VAPB: variants seen among roughly 807,000 people sequenced by gnomAD.
VAPB encodes the protein vesicle-associated membrane protein-associated protein B/C.
In VAPB, 7 loss-of-function variants were observed where a neutral mutation model predicts 25.6. The ratio of observed to expected loss-of-function variants is 0.27; its 90% CI spans 0.16 to 0.51. VAPB has a LOEUF of 0.51. Among genes scored for constraint, VAPB ranks in the 20% least tolerant of loss-of-function variants. The pLI, the probability that VAPB is intolerant of heterozygous loss-of-function variation, is 0.97. For synonymous variants in VAPB, 112 were observed against 109.2 expected (o/e 1.03, Z -0.16); for missense variants, 266 against 301.3 (o/e 0.88, Z 0.87).
intron 2 of VAPB, among the ~76,000 whole-genome samples, chr20:58,420,569 A>G (rs1166825801): frequency 6.6e-6 from 1 of 152,208 alleles, no homozygotes; most frequent in Non-Finnish European, 1.5e-5. Context: ...GTGTTAGAGG[A>G]TGACCCCACT....
At position 58,448,191 on chromosome 20, in the gene VAPB, AG is replaced by A. The variant is rs1989342496; in HGVS notation, c.*3957del. On this transcript the variant is annotated 3_prime_UTR_variant, in exon 6 of 6. Transcript: ENST00000475243. ...TTAGAAAGGCCCCTGCAAAGTATATAGATGGATGACTCTAGTTCATGACATA... is the reference window on the plus strand; with the variant it reads ...TTAGAAAGGCCCCTGCAAAGTATATAATGGATGACTCTAGTTCATGACATA... The A allele has an allele frequency of 2.2e-6, 1 of 453,950 alleles. No individual in the cohort carries two copies. The highest frequency in any genetic ancestry group is 6.9e-5 in the East Asian group (1 of 14,390). The allele number at this position is 453,950 out of a possible 1,614,324, so 28.1% of individuals were successfully genotyped here.
rs1350683023 is a variant in VAPB, at chr20:58,447,794, A to G, written c.*3559A>G. The G allele has an allele frequency of 4.4e-6, 2 of 453,956 alleles. No homozygotes were observed. Among genetic ancestry groups the G allele is most frequent in the South Asian group, 3.1e-5 (2 of 64,486 alleles). 28.1% of individuals were successfully genotyped at this position (453,956 alleles called of 1,614,324 possible). A position where few individuals can be genotyped will look rare whatever the true frequency, so the allele number is the denominator to read the frequency against. ...AACTCAGAATCCATGCCAAAATACA[A>G]TGTTATATGTCATTTTCAGCTCCTT... is the stretch of plus-strand genomic sequence containing the variant. On this transcript the variant is annotated 3_prime_UTR_variant, in exon 6 of 6. Transcript: ENST00000475243.
At chr20:58,433,728 A>G (rs1988978158) in intron 2 of VAPB, among the ~76,000 whole-genome samples, 1 of 152,248 alleles carries the variant, frequency 6.6e-6, no homozygotes, top group Non-Finnish European at 1.5e-5. Flanking sequence ...CCTAAGGGAC[A>G]GAGCCCAGTT....
At chr20:58,405,380 C>T (rs1456904851) in intron 1 of VAPB, among the ~76,000 whole-genome samples, 8 of 152,052 alleles carry the variant, frequency 5.3e-5, no homozygotes, top group African/African-American at 1.2e-4. Flanking sequence ...GGAGCCTTGC[C>T]GGTAGGCAGG....
In VAPB at chr20:58,449,042, G is replaced by A; in HGVS notation, c.*4807G>A. The A allele has an allele frequency of 2.2e-6, 1 of 454,146 alleles. No homozygotes were observed. Among genetic ancestry groups the A allele is most frequent in the Admixed American group, 2.3e-5 (1 of 42,576 alleles). The allele number at this position is 454,146 out of a possible 1,614,324, so 28.1% of individuals were successfully genotyped here. A position where few individuals can be genotyped will look rare whatever the true frequency, so the allele number is the denominator to read the frequency against. ...ATGTCTCAGGCCTTTCCCTGAATTA[G>A]CACTGCGGTTCTCCAGGATATCAGC... is the stretch of plus-strand genomic sequence containing the variant. On this transcript the variant is annotated 3_prime_UTR_variant, in exon 6 of 6. Coordinates refer to ENST00000475243, the MANE Select transcript of VAPB (RefSeq NM_004738.5).
chr20:58,423,134 A>C (rs889057174), intron 2 of VAPB, among the ~76,000 whole-genome samples: 5 of 152,116 alleles, frequency 3.3e-5, no homozygotes, highest in Non-Finnish European at 7.3e-5. Flanking sequence ...CAGGACAGCC[A>C]GGTGCAGTGG....
chr20:58,449,121 C>T lies in VAPB; in HGVS notation c.*4886C>T, dbSNP rs1989371242. On this transcript the variant is annotated 3_prime_UTR_variant, in exon 6 of 6. Coordinates refer to ENST00000475243, the MANE Select transcript of VAPB (RefSeq NM_004738.5). ...TAAGGAGCGTCAGCCGACAGGCAAG[C>T]TTGGGAGGCTGTGGGAATGGGTCTG... The T allele has an allele frequency of 2.2e-6, 1 of 453,998 alleles. No homozygotes were observed. The highest frequency in any genetic ancestry group is 2.0e-5 in the African/African-American group (1 of 50,010). The allele number at this position is 453,998 out of a possible 1,614,324, so 28.1% of individuals were successfully genotyped here. A position where few individuals can be genotyped will look rare whatever the true frequency, so the allele number is the denominator to read the frequency against.
chr20:58,406,613 G>C (rs1279792585), intron 1 of VAPB, among the ~76,000 whole-genome samples: 1 of 152,196 alleles, frequency 6.6e-6, no homozygotes, highest in Non-Finnish European at 1.5e-5. Flanking sequence ...TCTGTATCTG[G>C]TGTGAATTGG....
In VAPB at chr20:58,420,079, A is replaced by T. The variant is rs540531137; in HGVS notation, c.211+1716A>T. ...CTGCTCACTGCAACCTCCACCTCCC[A>T]GATTCAAGCAATTCTCTTGCCTCAG... is the stretch of plus-strand genomic sequence containing the variant. On this transcript the variant is annotated intron_variant, in intron 2 of 5. Coordinates refer to ENST00000475243, the MANE Select transcript of VAPB (RefSeq NM_004738.5). Among the ~76,000 whole-genome samples the T allele has an allele frequency of 2.6e-5, 4 of 152,096 alleles. No individual in the cohort carries two copies. The East Asian group carries it at 7.8e-4, about 29-fold the overall frequency.
chr20:58,440,621 G>T (rs904096329), intron 4 of VAPB: 3 of 330,680 alleles, frequency 9.1e-6, no homozygotes, highest in Non-Finnish European at 1.7e-5. Flanking sequence ...TTTTTCCGTG[G>T]CAGGAATTTG....
At chr20:58,406,861 T>G (rs1290931382) in intron 1 of VAPB, among the ~76,000 whole-genome samples, 1 of 152,220 alleles carries the variant, frequency 6.6e-6, no homozygotes, top group Admixed American at 6.5e-5. Context: ...GTTTTGTCAC[T>G]CTTCTATTTA....
At chr20:58,390,996 T>G (rs1031488649) in intron 1 of VAPB, among the ~76,000 whole-genome samples, 1 of 152,210 alleles carries the variant, frequency 6.6e-6, no homozygotes, top group African/African-American at 2.4e-5. Context: ...TACCGTGGAT[T>G]GTAATTCCAG....
intron 1 of VAPB, among the ~76,000 whole-genome samples, chr20:58,398,196 A>G (rs557615690): frequency 6.6e-6 from 1 of 152,244 alleles, no homozygotes; most frequent in Non-Finnish European, 1.5e-5. Flanking sequence ...AAAGTATTGA[A>G]TATCTCATGT....
intron 1 of VAPB, among the ~76,000 whole-genome samples, chr20:58,398,917 G>C (rs1156955553): frequency 6.6e-6 from 1 of 151,536 alleles, no homozygotes; most frequent in Non-Finnish European, 1.5e-5. Flanking sequence ...AAGTGGGAGT[G>C]TGCCCTTGGC....
chr20:58,404,803 C>T (rs1264813809), intron 1 of VAPB, among the ~76,000 whole-genome samples: 3 of 151,746 alleles, frequency 2.0e-5, no homozygotes, highest in Admixed American at 2.0e-4. Flanking sequence ...CTGGATGGGC[C>T]CCAAGATTGT....
chr20:58,417,341 T>C (rs139360303), intron 1 of VAPB, among the ~76,000 whole-genome samples: 76 of 152,350 alleles, frequency 5.0e-4, no homozygotes, highest in Non-Finnish European at 9.7e-4. Context: ...TGTGTAAACA[T>C]AGATGATGTG....
chr20:58,439,034 A>G lies in VAPB; in HGVS notation c.396+9A>G, dbSNP rs2123096789. On this transcript the variant is annotated intron_variant, in intron 4 of 5. Transcript: ENST00000475243. ...CAGAGAATGATAAACCAGTAAGTAT[A>G]TTTATAGTTAACAATAATTGAATGT... 6.2e-7 allele frequency: 1 copy of G among 1,606,584 alleles called. No individual in the cohort carries two copies.
chr20:58,409,642 C>CT (rs1289372239), intron 1 of VAPB, among the ~76,000 whole-genome samples: 2 of 152,036 alleles, frequency 1.3e-5, no homozygotes, highest in Non-Finnish European at 2.9e-5. Flanking sequence ...AATAATATAG[C>CT]TTTTTTTATG....
At chr20:58,428,985 G>GA (rs1988868745) in intron 2 of VAPB, among the ~76,000 whole-genome samples, 2 of 152,190 alleles carry the variant, frequency 1.3e-5, no homozygotes, top group African/African-American at 2.4e-5. Flanking sequence ...AGCTGGTGAT[G>GA]AAAAACACCC....
Sources: gnomAD v4.1 joint callset for allele counts (sites outside exome capture counted in the v4.1 genomes callset) on GRCh38, gnomAD v4.1.1 for gene constraint, MANE v1.5 for transcripts, NCBI Gene and HGNC (gene_info 2026-07-23, HGNC 2026-07-21) for gene names.